Variants in IL1RAPL2 observed in about 807,000 individuals in gnomAD.
IL1RAPL2 encodes the protein X-linked interleukin-1 receptor accessory protein-like 2.
A neutral mutation model predicts 44.1 loss-of-function variants in IL1RAPL2; 3 were observed. That is an observed-to-expected ratio of 0.07 (90% CI 0.03 to 0.18). The LOEUF (loss-of-function observed/expected upper bound fraction) is 0.18. IL1RAPL2 is among the 10% of genes least tolerant of loss of function. The pLI is 1.00. For synonymous variants in IL1RAPL2, 181 were observed against 178.8 expected, an observed-to-expected ratio of 1.01 and a Z score of -0.10; for missense variants, 391 against 496.4, an observed-to-expected ratio of 0.79 and a Z score of 2.02.
At chrX:105,072,682 G>A (rs59153069) in intron 2 of IL1RAPL2, among the ~76,000 whole-genome samples, 1 of 110,247 alleles carries the variant, frequency 9.1e-6, no homozygotes, top group African/African-American at 3.3e-5. Flanking sequence ...GGTATATGTA[G>A]AGGACGTGCA....
At chrX:105,079,430 C>G (rs1002806184) in intron 2 of IL1RAPL2, among the ~76,000 whole-genome samples, 1 of 109,084 alleles carries the variant, frequency 9.2e-6, no homozygotes, top group African/African-American at 3.3e-5. Flanking sequence ...AAATGCCCAT[C>G]AATGATAGAC....
intron 5 of IL1RAPL2, among the ~76,000 whole-genome samples, chrX:105,274,599 A>T (rs2034471807): frequency 8.9e-6 from 1 of 112,399 alleles, no homozygotes; most frequent in African/African-American, 3.2e-5. Context: ...TTCTGAAAGC[A>T]GACAGGTAGG....
chrX:105,188,489 T>C (rs544090648), intron 2 of IL1RAPL2, among the ~76,000 whole-genome samples: 4 of 111,408 alleles, frequency 3.6e-5, no homozygotes, highest in Non-Finnish European at 5.7e-5. Context: ...TCAGAATGCA[T>C]TGGAGGCTCA....
intron 1 of IL1RAPL2, among the ~76,000 whole-genome samples, chrX:104,640,104 A>G (rs1427721180): frequency 9.0e-6 from 1 of 111,299 alleles, no homozygotes; most frequent in Non-Finnish European, 1.9e-5. Flanking sequence ...ACCTTTTGGG[A>G]ACACTGAAAA....
intron 2 of IL1RAPL2, among the ~76,000 whole-genome samples, chrX:104,958,827 G>A (rs59184158): frequency 0.43 from 46,916 of 108,765 alleles, 7,396 homozygotes; most frequent in East Asian, 0.46. Flanking sequence ...AGCAACCTGG[G>A]GGTAAGTGCC....
At chrX:104,955,226 C>T (rs903654259) in intron 2 of IL1RAPL2, among the ~76,000 whole-genome samples, 4 of 110,841 alleles carry the variant, frequency 3.6e-5, no homozygotes, top group Non-Finnish European at 7.5e-5. Context: ...TAAGTTGTGG[C>T]TTAGAGATGG....
intron 5 of IL1RAPL2, among the ~76,000 whole-genome samples, chrX:105,384,682 C>T (rs1215010701): frequency 9.0e-6 from 1 of 110,716 alleles, no homozygotes; most frequent in Non-Finnish European, 1.9e-5. Context: ...TATATTGAAT[C>T]TGTAGACTGC....
At chrX:104,737,871 A>G (rs1414237423) in intron 2 of IL1RAPL2, among the ~76,000 whole-genome samples, 3 of 111,234 alleles carry the variant, frequency 2.7e-5, no homozygotes, top group African/African-American at 9.8e-5. Context: ...TCCACTCTAA[A>G]TACTCTCTCA....
chrX:104,589,240 A>G (rs1928618056), intron 1 of IL1RAPL2, among the ~76,000 whole-genome samples: 1 of 112,231 alleles, frequency 8.9e-6, no homozygotes, highest in African/African-American at 3.2e-5. Flanking sequence ...AGGTCCCACA[A>G]TAGGCCATCC....
chrX:105,330,044 G>C (rs765296546), intron 5 of IL1RAPL2, among the ~76,000 whole-genome samples: 8 of 111,216 alleles, frequency 7.2e-5, no homozygotes, highest in Non-Finnish European at 1.5e-4. Context: ...GGCATCTCCT[G>C]AGTGCTTGAA....
At chrX:104,603,826 A>T (rs1928938827) in intron 1 of IL1RAPL2, among the ~76,000 whole-genome samples, 2 of 112,109 alleles carry the variant, frequency 1.8e-5, no homozygotes, top group South Asian at 7.5e-4. Context: ...AAATCTACAT[A>T]TGATTGGTAT....
At chrX:104,722,219 A>C (rs1311373031) in intron 2 of IL1RAPL2, among the ~76,000 whole-genome samples, 1 of 111,810 alleles carries the variant, frequency 8.9e-6, no homozygotes, top group Admixed American at 9.5e-5. Flanking sequence ...GTAGCATGAA[A>C]GCAGCCATGA....
chrX:104,617,642 A>C, intron 1 of IL1RAPL2, among the ~76,000 whole-genome samples: 1 of 112,073 alleles, frequency 8.9e-6, no homozygotes, highest in Non-Finnish European at 1.9e-5. Flanking sequence ...CAATCTGTTG[A>C]TAAAGATTTC....
At chrX:105,469,739 T>C (rs1293115062) in intron 5 of IL1RAPL2, among the ~76,000 whole-genome samples, 2 of 110,996 alleles carry the variant, frequency 1.8e-5, no homozygotes, top group Non-Finnish European at 3.8e-5. Flanking sequence ...TTCAGCTTTG[T>C]TTCTTATTAC....
intron 2 of IL1RAPL2, among the ~76,000 whole-genome samples, chrX:105,036,513 A>G (rs927307620): frequency 1.8e-5 from 2 of 111,339 alleles, no homozygotes; most frequent in African/African-American, 6.6e-5. Flanking sequence ...GGAAAAAGGC[A>G]TCAGTGAGAT....
At chrX:105,010,402 A>G (rs1481958702) in intron 2 of IL1RAPL2, among the ~76,000 whole-genome samples, 2 of 111,229 alleles carry the variant, frequency 1.8e-5, no homozygotes, top group East Asian at 5.7e-4. Flanking sequence ...TTTGCTTTTT[A>G]TCATCATTTG....
At chrX:104,892,395 G>T (rs981091903) in intron 2 of IL1RAPL2, among the ~76,000 whole-genome samples, 1 of 111,719 alleles carries the variant, frequency 9.0e-6, no homozygotes, top group Non-Finnish European at 1.9e-5. Context: ...TGTACCTCTA[G>T]TAGAATTCGG....
intron 2 of IL1RAPL2, among the ~76,000 whole-genome samples, chrX:105,134,428 T>A (rs745924868): frequency 8.9e-6 from 1 of 112,136 alleles, no homozygotes; most frequent in East Asian, 2.8e-4. Context: ...CAATTATGAG[T>A]TGAGCACTGT....
At chrX:105,074,123 A>G (rs2032252083) in intron 2 of IL1RAPL2, among the ~76,000 whole-genome samples, 2 of 111,532 alleles carry the variant, frequency 1.8e-5, no homozygotes, top group Non-Finnish European at 3.8e-5. Context: ...GCCCATGCCT[A>G]TGTCCTGAAT....
Sources: gnomAD v4.1 joint callset for allele counts (sites outside exome capture counted in the v4.1 genomes callset) on GRCh38, gnomAD v4.1.1 for gene constraint, MANE v1.5 for transcripts, NCBI Gene and HGNC (gene_info 2026-07-23, HGNC 2026-07-21) for gene names.